Variants in BTBD16 observed in about 807,000 individuals in gnomAD.
The protein encoded by BTBD16 is BTB domain containing 16, also known as BTB/POZ domain-containing protein 16.
In BTBD16, 66 loss-of-function variants were observed where a neutral mutation model predicts 67.4. That is an observed-to-expected ratio of 0.98 (90% CI 0.80 to 1.20). The LOEUF (loss-of-function observed/expected upper bound fraction) is 1.20, where lower values mean the gene tolerates loss of function less well. Ranked by LOEUF, BTBD16 falls within the 50% of genes most tolerant of loss-of-function variation. BTBD16 has a pLI of 0.00. For missense variants in BTBD16, 634 were observed against 616.0 expected (o/e 1.03, Z -0.31); for synonymous variants, 242 against 236.4 (o/e 1.02, Z -0.22).
chr10:122,301,089 TC>T (rs2096392921), intron 9 of BTBD16, among the ~76,000 whole-genome samples: 2 of 152,100 alleles, frequency 1.3e-5, no homozygotes, highest in South Asian at 4.1e-4. Flanking sequence ...CTAAAGTCAT[TC>T]CGTGGTGTTC....
At chr10:122,288,294 C>T (rs1361279594) in intron 5 of BTBD16, among the ~76,000 whole-genome samples, 2 of 152,188 alleles carry the variant, frequency 1.3e-5, no homozygotes, top group African/African-American at 4.8e-5. Flanking sequence ...TGTAGTCATA[C>T]TGGAGAAGAA....
intron 7 of BTBD16, chr10:122,294,086 T>C: frequency 1.0e-6 from 1 of 978,696 alleles, no homozygotes. Context: ...TGATGGGACC[T>C]GCCCAAGATT....
chr10:122,335,601 C>T (rs544310197), intron 14 of BTBD16, among the ~76,000 whole-genome samples: 4 of 152,180 alleles, frequency 2.6e-5, no homozygotes, highest in Admixed American at 6.5e-5. Context: ...CATACCTCAC[C>T]GGATTGTTGT....
intron 5 of BTBD16, 104 bp from the exon 6 acceptor site, chr10:122,289,805 C>T (rs1156330004): frequency 4.4e-6 from 3 of 687,088 alleles, no homozygotes; most frequent in African/African-American, 3.6e-5. Flanking sequence ...TAGTGTGATA[C>T]ATATCTTGAT....
chr10:122,284,963 A>C (rs1464217447), intron 4 of BTBD16, among the ~76,000 whole-genome samples: 1 of 152,154 alleles, frequency 6.6e-6, no homozygotes, highest in Non-Finnish European at 1.5e-5. Flanking sequence ...ATGGGCTGAG[A>C]CTTTTTCTAA....
intron 13 of BTBD16, among the ~76,000 whole-genome samples, chr10:122,334,492 G>GGTGA: frequency 1.0e-5 from 1 of 99,472 alleles, no homozygotes; most frequent in Non-Finnish European, 1.8e-5. Flanking sequence ...ACCGTGCCCG[G>GGTGA]CCTTTTTTTT....
chr10:122,323,410 G>A (rs927762113), intron 10 of BTBD16, among the ~76,000 whole-genome samples: 5 of 152,184 alleles, frequency 3.3e-5, no homozygotes, highest in Admixed American at 6.5e-5. Context: ...GTATGCTCAG[G>A]CTCAGCAGGA....
At chr10:122,336,254 G>T (rs1253502522) in intron 14 of BTBD16, among the ~76,000 whole-genome samples, 2 of 152,168 alleles carry the variant, frequency 1.3e-5, no homozygotes, top group Non-Finnish European at 2.9e-5. Context: ...AGCTTGACTT[G>T]ATGGTGTTTT....
chr10:122,333,578 C>T (rs530457149), intron 13 of BTBD16, among the ~76,000 whole-genome samples: 1 of 152,158 alleles, frequency 6.6e-6, no homozygotes, highest in Admixed American at 6.5e-5. Flanking sequence ...GCAGCCAGGG[C>T]ATGGTGAATG....
chr10:122,310,712 T>C (rs996968141), intron 10 of BTBD16, among the ~76,000 whole-genome samples: 1 of 152,128 alleles, frequency 6.6e-6, no homozygotes, highest in African/African-American at 2.4e-5. Flanking sequence ...TTGCAAATAT[T>C]GATAAAATAA....
intron 13 of BTBD16, chr10:122,333,004 G>A (rs2096457687): frequency 4.1e-6 from 4 of 982,190 alleles, no homozygotes; most frequent in African/African-American, 1.7e-5. Flanking sequence ...AGGCATCTTG[G>A]CACTTAGTGA....
At chr10:122,304,495 G>A (rs2096399684) in intron 9 of BTBD16, among the ~76,000 whole-genome samples, 1 of 152,002 alleles carries the variant, frequency 6.6e-6, no homozygotes, top group Non-Finnish European at 1.5e-5. Flanking sequence ...TACTAGAGAA[G>A]GGGGTTGGGA....
intron 10 of BTBD16, among the ~76,000 whole-genome samples, chr10:122,317,211 AC>A (rs1298849571): frequency 2.6e-5 from 4 of 152,248 alleles, no homozygotes; most frequent in Admixed American, 6.5e-5. Flanking sequence ...TTAAAACTTG[AC>A]TTTTTCATAA....
At chr10:122,295,945 C>T (rs985896381) in intron 7 of BTBD16, among the ~76,000 whole-genome samples, 1 of 151,428 alleles carries the variant, frequency 6.6e-6, no homozygotes, top group Non-Finnish European at 1.5e-5. Context: ...GAAATGAAGC[C>T]ACAGAACACC....
At chr10:122,279,551 T>TCACACACA (rs2096348183) in intron 3 of BTBD16, among the ~76,000 whole-genome samples, 1 of 64,926 alleles carries the variant, frequency 1.5e-5, no homozygotes, top group Non-Finnish European at 4.4e-5. Flanking sequence ...CACACATCTT[T>TCACACACA]TCTTTGTGTT....
chr10:122,300,111 T>C (rs2096391080), intron 9 of BTBD16, among the ~76,000 whole-genome samples: 1 of 152,216 alleles, frequency 6.6e-6, no homozygotes, highest in East Asian at 1.9e-4. Context: ...CCAATATAAA[T>C]AGCACACTGG....
intron 9 of BTBD16, chr10:122,303,741 T>A: frequency 1.6e-6 from 1 of 642,452 alleles, no homozygotes; most frequent in Non-Finnish European, 1.9e-6. Context: ...TGCTAGCGAG[T>A]GCCAGTAAAC....
chr10:122,311,399 A>C (rs7893566), intron 10 of BTBD16, among the ~76,000 whole-genome samples: 93,950 of 151,828 alleles, frequency 0.62, 30,428 homozygotes, highest in East Asian at 0.88. Flanking sequence ...TACACACACC[A>C]CTCTACACTC....
chr10:122,286,279 C>A (rs1186832691), intron 5 of BTBD16, 31 bp downstream of exon 5: 1 of 1,580,106 alleles, frequency 6.3e-7, no homozygotes, highest in African/African-American at 1.4e-5. Flanking sequence ...AGTGCTGGAG[C>A]CCCAGTGCCC....
Sources: gnomAD v4.1 joint callset for allele counts (sites outside exome capture counted in the v4.1 genomes callset) on GRCh38, gnomAD v4.1.1 for gene constraint, MANE v1.5 for transcripts, NCBI Gene and HGNC (gene_info 2026-07-23, HGNC 2026-07-21) for gene names.